GRIK2: variants seen among roughly 807,000 people sequenced by gnomAD.
GRIK2 encodes the protein glutamate ionotropic receptor kainate type subunit 2.
GRIK2 carries 32 observed loss-of-function variants against 100.3 expected under a neutral mutation model. That is an observed-to-expected ratio of 0.32 (90% confidence interval 0.24 to 0.43). The LOEUF is 0.43. Ranked by LOEUF, GRIK2 falls within the 20% of genes least tolerant of loss-of-function variation. GRIK2 has a pLI of 1.00. For synonymous variants in GRIK2, 417 were observed against 389.4 expected (o/e 1.07, Z -0.83); for missense variants, 843 against 1,114.9 (o/e 0.76, Z 3.47).
At chr6:101,936,032 T>C (rs1790594743) in intron 14 of GRIK2, among the ~76,000 whole-genome samples, 1 of 152,102 alleles carries the variant, frequency 6.6e-6, no homozygotes, top group South Asian at 2.1e-4. Context: ...TTTAATTTTT[T>C]GTTTGTCTCA....
chr6:101,836,496 A>G (rs939670463), intron 10 of GRIK2, among the ~76,000 whole-genome samples: 1 of 151,124 alleles, frequency 6.6e-6, no homozygotes, highest in Non-Finnish European at 1.5e-5. Context: ...ATATTTTGAT[A>G]TATTAGGTTA....
chr6:101,890,088 G>T, intron 12 of GRIK2: 3 of 402,392 alleles, frequency 7.5e-6, no homozygotes, highest in South Asian at 7.2e-5. Flanking sequence ...AGTGTTATAG[G>T]GATTACTGTT....
chr6:101,419,494 A>G (rs1003395886), intron 2 of GRIK2, among the ~76,000 whole-genome samples: 4 of 152,218 alleles, frequency 2.6e-5, no homozygotes, highest in Non-Finnish European at 5.9e-5. Context: ...CAGTTCTGAC[A>G]TGTGAGGGTG....
chr6:101,822,734 T>C lies in GRIK2; in HGVS notation c.1317+4251T>C, dbSNP rs145157954. Among the ~76,000 whole-genome samples the C allele has an allele frequency of 2.8e-3, 427 of 152,062 alleles. 4 individuals carry two copies. Among genetic ancestry groups the C allele is most frequent in the African/African-American group, 9.8e-3 (406 of 41,510 alleles). On this transcript the variant is annotated intron_variant, in intron 10 of 16. Transcript: ENST00000369134. ...GCACCATTACTTATTTATAGTATTA[T>C]ATATATATTTTTTCTTTTTTTTAGG...
chr6:101,541,674 T>C (rs1776004354), intron 2 of GRIK2, among the ~76,000 whole-genome samples: 1 of 152,100 alleles, frequency 6.6e-6, no homozygotes, highest in Non-Finnish European at 1.5e-5. Context: ...TGAGTGAATG[T>C]ACTTAAGTAA....
intron 4 of GRIK2, among the ~76,000 whole-genome samples, chr6:101,646,081 A>G (rs892991183): frequency 2.6e-5 from 4 of 151,420 alleles, no homozygotes; most frequent in African/African-American, 7.3e-5. Context: ...TTCTCTCCCC[A>G]GTAAGCTTAC....
intron 14 of GRIK2, among the ~76,000 whole-genome samples, chr6:102,026,137 T>TTAC (rs1769691923): frequency 1.0e-5 from 1 of 97,880 alleles, no homozygotes; most frequent in Non-Finnish European, 2.4e-5. Flanking sequence ...TATATATATA[T>TTAC]ATATATATAT....
chr6:101,685,007 A>G (rs1004903924), intron 6 of GRIK2, among the ~76,000 whole-genome samples: 7 of 152,020 alleles, frequency 4.6e-5, no homozygotes, highest in African/African-American at 9.7e-5. Context: ...TGTCTTCTCA[A>G]TTTCCTATAG....
chr6:101,530,221 T>A (rs2128284430), intron 2 of GRIK2, among the ~76,000 whole-genome samples: 1 of 152,212 alleles, frequency 6.6e-6, no homozygotes, highest in African/African-American at 2.4e-5. Flanking sequence ...AAAGTATGAA[T>A]TATTTGTATA....
intron 4 of GRIK2, among the ~76,000 whole-genome samples, chr6:101,657,352 C>T (rs2128331755): frequency 6.6e-6 from 1 of 152,244 alleles, no homozygotes; most frequent in East Asian, 1.9e-4. Context: ...TGCCTCTTTT[C>T]CTTCCAACAT....
intron 16 of GRIK2, among the ~76,000 whole-genome samples, chr6:102,062,227 T>A (rs1771788522): frequency 6.6e-6 from 1 of 150,548 alleles, no homozygotes; most frequent in Non-Finnish European, 1.5e-5. Flanking sequence ...ATAACATGAT[T>A]TATAATTTAA....
intron 7 of GRIK2, among the ~76,000 whole-genome samples, chr6:101,699,061 T>C (rs773828571): frequency 2.0e-5 from 3 of 152,096 alleles, no homozygotes; most frequent in Non-Finnish European, 4.4e-5. Flanking sequence ...ACAGGTTTCA[T>C]TGTAAGATGC....
intron 12 of GRIK2, among the ~76,000 whole-genome samples, chr6:101,895,664 A>G (rs1235356850): frequency 6.6e-6 from 1 of 151,812 alleles, no homozygotes; most frequent in Non-Finnish European, 1.5e-5. Flanking sequence ...TTAAAATGAA[A>G]TGCCAATTTT....
intron 2 of GRIK2, among the ~76,000 whole-genome samples, chr6:101,526,848 A>G (rs1775182242): frequency 6.6e-6 from 1 of 152,160 alleles, no homozygotes; most frequent in Admixed American, 6.5e-5. Context: ...GGAGGAGGCA[A>G]CACTTCTACC....
In GRIK2 at chr6:101,493,373, C is replaced by G. The variant is rs199748372; in HGVS notation, c.115+93981C>G. 3.9e-5 allele frequency among the ~76,000 whole-genome samples: 6 copies of G among 152,000 alleles called. No homozygotes were observed. In the East Asian group the frequency reaches 1.2e-3, roughly 29 times the overall value. On this transcript the variant is annotated intron_variant, in intron 2 of 16. Coordinates refer to ENST00000369134, the MANE Select transcript of GRIK2 (RefSeq NM_021956.5). ...TTTAGGAGCAACCAGATAGAAAATACAGAATGCCTACAAAGAAGCAAAATC... is the reference window on the plus strand; with the variant it reads ...TTTAGGAGCAACCAGATAGAAAATAGAGAATGCCTACAAAGAAGCAAAATC...
At chr6:102,044,944 A>C (rs1489078894) in intron 15 of GRIK2, among the ~76,000 whole-genome samples, 1 of 151,930 alleles carries the variant, frequency 6.6e-6, no homozygotes, top group Non-Finnish European at 1.5e-5. Flanking sequence ...ACCATAGCAC[A>C]TTTTCAGATA....
chr6:101,994,270 T>G (rs1794535904), intron 14 of GRIK2, among the ~76,000 whole-genome samples: 1 of 151,472 alleles, frequency 6.6e-6, no homozygotes, highest in Middle Eastern at 3.4e-3. Context: ...ATAGGACCTT[T>G]AACTACATTT....
intron 5 of GRIK2, among the ~76,000 whole-genome samples, chr6:101,679,251 A>G (rs1771067291): frequency 6.6e-6 from 1 of 152,208 alleles, no homozygotes; most frequent in Non-Finnish European, 1.5e-5. Flanking sequence ...AGAAATGTGT[A>G]TAGGCCCCCC....
intron 2 of GRIK2, among the ~76,000 whole-genome samples, chr6:101,600,206 C>CT (rs1378881880): frequency 3.3e-5 from 5 of 151,716 alleles, no homozygotes; most frequent in Non-Finnish European, 1.5e-5. Flanking sequence ...GATCAGATGG[C>CT]TGTAGGTATG....
Sources: gnomAD v4.1 joint callset for allele counts (sites outside exome capture counted in the v4.1 genomes callset) on GRCh38, gnomAD v4.1.1 for gene constraint, MANE v1.5 for transcripts, NCBI Gene and HGNC (gene_info 2026-07-23, HGNC 2026-07-21) for gene names.